The following ARPP21 variants were observed in gnomAD, a reference collection of about 807,000 sequenced individuals.
ARPP21 encodes cAMP-regulated phosphoprotein 21.
A neutral mutation model predicts 113.2 loss-of-function variants in ARPP21; 69 were observed. That is an observed-to-expected ratio of 0.61 (90% CI 0.50 to 0.74). The LOEUF (loss-of-function observed/expected upper bound fraction) is 0.74. ARPP21 is among the 30% of genes least tolerant of loss of function. The pLI is 0.00. For synonymous variants in ARPP21, 368 were observed against 375.5 expected, an observed-to-expected ratio of 0.98 and a Z score of 0.23; for missense variants, 1,070 against 1,037.4, an observed-to-expected ratio of 1.03 and a Z score of -0.43.
rs994774033 is a variant in ARPP21 at position 35,766,466 on chromosome 3, C to A, written c.2137+22501C>A. ...GGTGCTAATTTGTTTCTTTGCCTGCCCTAGATGCCACTGTATGTGAAGGAT... is the reference window on the plus strand; with the variant it reads ...GGTGCTAATTTGTTTCTTTGCCTGCACTAGATGCCACTGTATGTGAAGGAT... On this transcript the variant is annotated intron_variant, in intron 19 of 20. Transcript: ENST00000684406. Among the ~76,000 whole-genome samples, 16 of 152,142 alleles carry A rather than the reference C, an allele frequency of 1.1e-4. No homozygotes were observed. The East Asian group carries it at 2.9e-3, about 27-fold the overall frequency.
chr3:35,645,865 T>TA lies in ARPP21; in HGVS notation c.-213+5476dup, dbSNP rs201155702. Among the ~76,000 whole-genome samples, 266 of 150,686 alleles carry TA rather than the reference T, an allele frequency of 1.8e-3. 3 individuals carry two copies. In the East Asian group the frequency reaches 0.033, roughly 19 times the overall value. ...CATTCTAGTCCATTGGATCATACAC[T>TA]AAAAAAAAATAGTTTATCCATGTTG... On this transcript the variant is annotated intron_variant, in intron 1 of 20. Coordinates refer to ENST00000684406, the MANE Select transcript of ARPP21 (RefSeq NM_001385562.1).
chr3:35,672,859 G>C (rs970673996), intron 1 of ARPP21, among the ~76,000 whole-genome samples: 1 of 152,028 alleles, frequency 6.6e-6, no homozygotes, highest in African/African-American at 2.4e-5. Context: ...CTGTAGGCTA[G>C]CAATGAATAG....
At chr3:35,736,115 A>G (rs2094334003) in intron 15 of ARPP21, among the ~76,000 whole-genome samples, 1 of 151,998 alleles carries the variant, frequency 6.6e-6, no homozygotes, top group Non-Finnish European at 1.5e-5. Flanking sequence ...TAGTTCTCTC[A>G]CTTACTGTTT....
chr3:35,661,814 G>A (rs1469481104), intron 1 of ARPP21, among the ~76,000 whole-genome samples: 2 of 152,104 alleles, frequency 1.3e-5, no homozygotes, highest in Admixed American at 6.5e-5. Context: ...GTTGTTCCAT[G>A]TGTATAAAGG....
At chr3:35,785,803 C>T (rs1350712025) in intron 19 of ARPP21, among the ~76,000 whole-genome samples, 1 of 152,146 alleles carries the variant, frequency 6.6e-6, no homozygotes, top group Non-Finnish European at 1.5e-5. Flanking sequence ...CCTGTCACAG[C>T]TCCCCTCAAA....
At chr3:35,750,129 T>G (rs1411546812) in intron 19 of ARPP21, among the ~76,000 whole-genome samples, 3 of 151,206 alleles carry the variant, frequency 2.0e-5, no homozygotes, top group South Asian at 2.1e-4. Context: ...TTTTTTTTTT[T>G]TTGGTGGTTT....
At chr3:35,668,014 G>GAAGAAA (rs1553646380) in intron 1 of ARPP21, among the ~76,000 whole-genome samples, 146 of 149,854 alleles carry the variant, frequency 9.7e-4, no homozygotes, top group African/African-American at 3.2e-3. Flanking sequence ...AGAAGAAGAA[G>GAAGAAA]AAGAAGAAGA....
intron 19 of ARPP21, among the ~76,000 whole-genome samples, chr3:35,764,754 T>C (rs2095898936): frequency 6.6e-6 from 1 of 152,156 alleles, no homozygotes; most frequent in Admixed American, 6.5e-5. Flanking sequence ...ATACATTTTG[T>C]TTTTCTAACT....
intron 15 of ARPP21, among the ~76,000 whole-genome samples, chr3:35,730,467 C>G (rs1306702041): frequency 2.6e-5 from 4 of 152,186 alleles, no homozygotes; most frequent in African/African-American, 9.7e-5. Context: ...AGGCCTAGGA[C>G]AGACTTCCAC....
intron 14 of ARPP21, among the ~76,000 whole-genome samples, chr3:35,728,998 A>T (rs2093755012): frequency 6.6e-6 from 1 of 152,166 alleles, no homozygotes. Context: ...TCAGGTACTG[A>T]GTTCAGAGCT....
intron 1 of ARPP21, among the ~76,000 whole-genome samples, chr3:35,672,778 T>C (rs1223855302): frequency 6.6e-6 from 1 of 152,062 alleles, no homozygotes; most frequent in African/African-American, 2.4e-5. Flanking sequence ...ATCCAGTGAT[T>C]GAACGAGCCA....
In ARPP21 at chr3:35,729,323, G is replaced by T; in HGVS notation, c.1246G>T (p.Ala416Ser). Residue 416 changes from alanine (A) to serine (S), a missense_variant, in exon 15 of 21, where the codon GCA (alanine) becomes TCA (serine). Ala to Ser is a moderately conservative substitution (Grantham distance 99). Coordinates refer to ENST00000684406, the MANE Select transcript of ARPP21 (RefSeq NM_001385562.1). ...SKAGSESSSS[A>S]GSSGSLSRTH... ...GCCAGGTTCCGAGTCTTCCAGCAGT[G>T]CAGGCTCCTCAGGATCGCTGTCCCG... is the stretch of plus-strand genomic sequence containing the variant. 6.2e-7 allele frequency: 1 copy of T among 1,614,054 alleles called. No homozygotes were observed. Among genetic ancestry groups the T allele is most frequent in the East Asian group, 2.2e-5 (1 of 44,862 alleles).
intron 1 of ARPP21, among the ~76,000 whole-genome samples, chr3:35,668,009 AAGAAG>A (rs1559549911): frequency 4.1e-5 from 6 of 147,176 alleles, no homozygotes; most frequent in African/African-American, 1.5e-4. Flanking sequence ...GAAGAAGAAG[AAGAAG>A]AAGAAGAAGA....
intron 1 of ARPP21, among the ~76,000 whole-genome samples, chr3:35,673,244 C>T (rs1452417721): frequency 1.3e-5 from 2 of 152,036 alleles, no homozygotes; most frequent in African/African-American, 4.8e-5. Flanking sequence ...TCTCTCTGCC[C>T]TCTGTCCCTC....
At chr3:35,757,728 C>T (rs1272963156) in intron 19 of ARPP21, among the ~76,000 whole-genome samples, 1 of 152,068 alleles carries the variant, frequency 6.6e-6, no homozygotes, top group African/African-American at 2.4e-5. Flanking sequence ...TGACTCTTCT[C>T]TTTCTGCCTT....
intron 9 of ARPP21, among the ~76,000 whole-genome samples, chr3:35,697,603 A>G (rs763307113): frequency 3.6e-4 from 54 of 151,762 alleles, no homozygotes; most frequent in Non-Finnish European, 6.6e-4. Context: ...TTATTACTAC[A>G]TCAGAAAGGA....
chr3:35,761,865 T>C (rs1179758275), intron 19 of ARPP21, among the ~76,000 whole-genome samples: 1 of 152,030 alleles, frequency 6.6e-6, no homozygotes, highest in African/African-American at 2.4e-5. Flanking sequence ...TATTTATTCA[T>C]TTCAGCAAGT....
chr3:35,742,164 G>A (rs2150829874), intron 18 of ARPP21, among the ~76,000 whole-genome samples: 1 of 152,302 alleles, frequency 6.6e-6, no homozygotes, highest in South Asian at 2.1e-4. Flanking sequence ...CATAAGAAGG[G>A]AGATCAAGGA....
At chr3:35,702,261 A>G (rs190980746) in intron 9 of ARPP21, among the ~76,000 whole-genome samples, 8 of 151,890 alleles carry the variant, frequency 5.3e-5, no homozygotes, top group African/African-American at 1.7e-4. Context: ...ATATAATTTT[A>G]TAGAGTCACA....
Sources: allele counts gnomAD v4.1 joint callset (sites outside exome capture counted in the v4.1 genomes callset), GRCh38; gene constraint gnomAD v4.1.1; transcripts MANE v1.5; gene names NCBI Gene and HGNC (gene_info 2026-07-23, HGNC 2026-07-21).